HEG1: variants seen among roughly 807,000 people sequenced by gnomAD.
HEG1 encodes the protein heart development protein with EGF like domains 1.
A neutral mutation model predicts 125.6 loss-of-function variants in HEG1; 56 were observed. That is an observed-to-expected ratio of 0.45 (90% CI 0.36 to 0.56). HEG1 has a LOEUF of 0.56. Among genes scored for constraint, HEG1 ranks in the 20% least tolerant of loss-of-function variants. HEG1 has a pLI of 0.00. For missense variants in HEG1, 1,523 were observed against 1,670.0 expected (o/e 0.91, Z 1.53); for synonymous variants, 644 against 668.5 (o/e 0.96, Z 0.57).
At chr3:124,998,176 G>A (rs565663630) in intron 11 of HEG1, among the ~76,000 whole-genome samples, 1 of 152,168 alleles carries the variant, frequency 6.6e-6, no homozygotes, top group Non-Finnish European at 1.5e-5. Context: ...GTCTTCCAAA[G>A]GACTGCGGAG....
At chr3:124,982,725 C>G (rs941831638) in intron 14 of HEG1, among the ~76,000 whole-genome samples, 4 of 152,158 alleles carry the variant, frequency 2.6e-5, no homozygotes, top group Admixed American at 2.6e-4. Flanking sequence ...TTAGCCACCC[C>G]CCTTCTGAAA....
chr3:125,031,832 G>GCA (rs1560031793), intron 1 of HEG1, among the ~76,000 whole-genome samples: 1 of 150,716 alleles, frequency 6.6e-6, no homozygotes, highest in Non-Finnish European at 1.5e-5. Context: ...ACACACACAC[G>GCA]CACACACACA....
In HEG1 at chr3:125,013,665, G is replaced by A; in HGVS notation, c.1914C>T (p.Pro638=). 6.2e-7 allele frequency: 1 copy of A among 1,613,842 alleles called. No individual in the cohort carries two copies. The highest frequency in any genetic ancestry group is 1.1e-5 in the South Asian group (1 of 91,006). Reference sequence around the variant, plus strand: ...CCGAAGTGTTCGGCATATTAATGGTGGGTGTGTAGGACGGAAGGTTGGATG... The same window carrying A: ...CCGAAGTGTTCGGCATATTAATGGTAGGTGTGTAGGACGGAAGGTTGGATG... ...LHTSNLPSYT[P]TINMPNTSVV... is the part of the protein sequence containing the mutation. The change falls in exon 6 of 17, where the codon CCC becomes CCT. Residue 638 remains proline, a synonymous_variant. Coordinates refer to ENST00000311127, the MANE Select transcript of HEG1 (RefSeq NM_020733.2).
chr3:125,043,743 G>A (rs992923298), intron 1 of HEG1, among the ~76,000 whole-genome samples: 1 of 152,316 alleles, frequency 6.6e-6, no homozygotes, highest in African/African-American at 2.4e-5. Flanking sequence ...CGGGTCTCCT[G>A]TGTTGTCACC....
At chr3:125,024,141 GA>G (rs1418487152) in intron 3 of HEG1, among the ~76,000 whole-genome samples, 1 of 152,124 alleles carries the variant, frequency 6.6e-6, no homozygotes, top group Non-Finnish European at 1.5e-5. Context: ...CTCCTATTGA[GA>G]ATCTATATAA....
intron 12 of HEG1, among the ~76,000 whole-genome samples, chr3:124,995,337 C>T (rs1936904515): frequency 6.6e-6 from 1 of 152,026 alleles, no homozygotes; most frequent in Non-Finnish European, 1.5e-5. Context: ...ATGATGCCTG[C>T]ATGATGGAAG....
chr3:125,024,899 T>G (rs1228986779), intron 3 of HEG1, among the ~76,000 whole-genome samples: 1 of 152,236 alleles, frequency 6.6e-6, no homozygotes, highest in Non-Finnish European at 1.5e-5. Flanking sequence ...CTATCTTCCT[T>G]GTGTTCACCT....
At chr3:125,051,802 C>A (rs988678741) in intron 1 of HEG1, among the ~76,000 whole-genome samples, 5 of 152,218 alleles carry the variant, frequency 3.3e-5, no homozygotes, top group African/African-American at 1.2e-4. Flanking sequence ...GCCATCTGTT[C>A]TTTGCTTTCT....
intron 10 of HEG1, 74 bp from the exon 11 acceptor site, chr3:125,002,086 T>C: frequency 1.3e-6 from 2 of 1,544,172 alleles, no homozygotes; most frequent in Admixed American, 1.7e-5. Flanking sequence ...GAAATGAATG[T>C]CATCGCCATT....
intron 9 of HEG1, among the ~76,000 whole-genome samples, chr3:125,002,664 T>C (rs929445285): frequency 1.4e-4 from 21 of 152,202 alleles, no homozygotes; most frequent in Admixed American, 3.3e-4. Flanking sequence ...GGACTCTGCA[T>C]AGTGAACGAG....
intron 15 of HEG1, among the ~76,000 whole-genome samples, chr3:124,977,127 C>T (rs1936560478): frequency 6.6e-6 from 1 of 152,142 alleles, no homozygotes; most frequent in African/African-American, 2.4e-5. Context: ...TTTCCCTGCA[C>T]AAGCTCTCTC....
intron 14 of HEG1, among the ~76,000 whole-genome samples, chr3:124,984,575 A>T (rs62267134): frequency 0.026 from 3,920 of 152,242 alleles, 73 homozygotes; most frequent in Middle Eastern, 0.099. Flanking sequence ...CCTGGCCAAC[A>T]TGATGAAAAC....
intron 12 of HEG1, 83 bp from the exon 13 acceptor site, chr3:124,991,069 G>T: frequency 9.6e-7 from 1 of 1,039,698 alleles, no homozygotes; most frequent in Non-Finnish European, 1.4e-6. Flanking sequence ...CCACCCTAAA[G>T]TCCACAAGAT....
chr3:125,036,543 T>C (rs1257245561), intron 1 of HEG1, among the ~76,000 whole-genome samples: 1 of 152,192 alleles, frequency 6.6e-6, no homozygotes, highest in African/African-American at 2.4e-5. Context: ...TTGCAAAAAG[T>C]TGAATGACAA....
intron 9 of HEG1, among the ~76,000 whole-genome samples, chr3:125,004,089 G>A (rs534523603): frequency 2.0e-4 from 31 of 152,222 alleles, no homozygotes; most frequent in East Asian, 7.7e-4. Context: ...CAGACCTCCC[G>A]GGGTTCTATC....
At position 125,021,231 on chromosome 3, in the gene HEG1, A is replaced by G. The variant is rs1937331995; in HGVS notation, c.914-101T>C. On this transcript the variant is annotated intron_variant, in intron 3 of 16. Transcript: ENST00000311127. ...ACGTTTCTTACATTTTGGTGGATAC[A>G]TCTAAATACCATGGACCTAATATAG... is the stretch of plus-strand genomic sequence containing the variant. The G allele has an allele frequency of 7.0e-6, 6 of 855,770 alleles. No individual in the cohort carries two copies. The Admixed American group carries it at 8.2e-5, about 12-fold the overall frequency. The allele number at this position is 855,770 out of a possible 1,614,324, so 53.0% of individuals were successfully genotyped here.
At position 125,029,440 on chromosome 3, in the gene HEG1, T is replaced by A. The variant is rs770324924; in HGVS notation, c.365A>T (p.Glu122Val). The stretch of plus-strand genomic sequence containing the variant: ...TTGATTCTGATAGAAGGTGATGTTT[T>A]CTACATGGGCCTCAGTGTTACTTTC... Reference protein sequence around the residue: ...WPESNTEAHVENITFYQNQED... With the variant: ...WPESNTEAHVVNITFYQNQED... The change falls in exon 2 of 17, where the codon GAA (glutamate) becomes GTA (valine). Residue 122 changes from glutamate (E) to valine (V), a missense_variant. Coordinates refer to ENST00000311127, the MANE Select transcript of HEG1 (RefSeq NM_020733.2). The A allele has an allele frequency of 6.2e-7, 1 of 1,603,608 alleles. No homozygotes were observed. The highest frequency in any genetic ancestry group is 8.5e-7 in the Non-Finnish European group (1 of 1,179,764).
At chr3:125,004,140 C>T (rs905727196) in intron 9 of HEG1, among the ~76,000 whole-genome samples, 7 of 152,190 alleles carry the variant, frequency 4.6e-5, no homozygotes, top group South Asian at 2.1e-4. Context: ...AGTGCGCCAT[C>T]TGACATCGTC....
intron 2 of HEG1, among the ~76,000 whole-genome samples, chr3:125,027,859 C>T (rs1331218442): frequency 6.6e-6 from 1 of 152,196 alleles, no homozygotes; most frequent in Non-Finnish European, 1.5e-5. Context: ...AAACAAAATT[C>T]CTAATATCTG....
Sources: gnomAD v4.1 joint callset for allele counts (sites outside exome capture counted in the v4.1 genomes callset) on GRCh38, gnomAD v4.1.1 for gene constraint, MANE v1.5 for transcripts, NCBI Gene and HGNC (gene_info 2026-07-23, HGNC 2026-07-21) for gene names.